The following NXPE2 variants were observed in gnomAD, a reference collection of about 807,000 sequenced individuals.
NXPE2 encodes the protein neurexophilin and PC-esterase domain family member 2.
NXPE2 carries 34 observed loss-of-function variants against 34.4 expected under a neutral mutation model. The observed-to-expected ratio is 0.99, with a 90% CI of 0.75 to 1.31. The LOEUF (loss-of-function observed/expected upper bound fraction) is 1.31. NXPE2 is among the 40% of genes most tolerant of loss of function. The pLI is 0.00. For synonymous variants in NXPE2, 235 were observed against 231.3 expected, an observed-to-expected ratio of 1.02 and a Z score of -0.15; for missense variants, 649 against 672.5, an observed-to-expected ratio of 0.97 and a Z score of 0.39.
intron 1 of NXPE2, among the ~76,000 whole-genome samples, chr11:114,679,120 C>G (rs925465015): frequency 6.6e-6 from 1 of 151,884 alleles, no homozygotes; most frequent in Non-Finnish European, 1.5e-5. Context: ...TGTTTATCAA[C>G]TGCTTTGGCT....
chr11:114,668,814 C>A, the NXPE2 span, among the ~76,000 whole-genome samples: 2 of 152,030 alleles, frequency 1.3e-5, no homozygotes, highest in African/African-American at 4.8e-5. Flanking sequence ...TTGGCAAATC[C>A]TCTCCCAGAA....
At chr11:114,606,508 C>A in the NXPE2 span, among the ~76,000 whole-genome samples, 1 of 151,642 alleles carries the variant, frequency 6.6e-6, no homozygotes, top group African/African-American at 2.4e-5. Context: ...AGTGTTGCCT[C>A]TAGGGTAACC....
chr11:114,613,013 C>T, the NXPE2 span, among the ~76,000 whole-genome samples: 1 of 151,932 alleles, frequency 6.6e-6, no homozygotes, highest in Non-Finnish European at 1.5e-5. Flanking sequence ...TTAGTGTTGC[C>T]TCTAGGGTAA....
chr11:114,683,841 C>A (rs954534424), intron 2 of NXPE2, among the ~76,000 whole-genome samples: 3 of 152,036 alleles, frequency 2.0e-5, no homozygotes, highest in Non-Finnish European at 2.9e-5. Context: ...AAGCTACTAA[C>A]AATAAAGATG....
chr11:114,497,080 C>T, the NXPE2 span, among the ~76,000 whole-genome samples: 1 of 151,942 alleles, frequency 6.6e-6, no homozygotes, highest in East Asian at 1.9e-4. Flanking sequence ...GGAGGTATTC[C>T]AGAAGAGGGC....
the NXPE2 span, among the ~76,000 whole-genome samples, chr11:114,745,788 A>G: frequency 6.6e-6 from 1 of 152,132 alleles, no homozygotes; most frequent in African/African-American, 2.4e-5. Flanking sequence ...AAAATAAGAG[A>G]AAAATTAGGT....
chr11:114,564,016 C>T, the NXPE2 span, among the ~76,000 whole-genome samples: 1 of 152,040 alleles, frequency 6.6e-6, no homozygotes, highest in Non-Finnish European at 1.5e-5. Context: ...ATGTTTATGG[C>T]AGCACAATTA....
chr11:114,614,367 T>G, the NXPE2 span, among the ~76,000 whole-genome samples: 1 of 151,782 alleles, frequency 6.6e-6, no homozygotes, highest in African/African-American at 2.4e-5. Flanking sequence ...GGGTAACCAC[T>G]GTTACCTGGT....
At chr11:114,591,876 TC>T in the NXPE2 span, among the ~76,000 whole-genome samples, 1 of 152,302 alleles carries the variant, frequency 6.6e-6, no homozygotes, top group African/African-American at 2.4e-5. Flanking sequence ...GTATATTATG[TC>T]CCTAATTTTT....
the NXPE2 span, among the ~76,000 whole-genome samples, chr11:114,467,822 A>G: frequency 4.6e-5 from 7 of 151,958 alleles, no homozygotes; most frequent in Non-Finnish European, 1.0e-4. Context: ...CGTAGTCCCA[A>G]CTACTTGGGA....
the NXPE2 span, among the ~76,000 whole-genome samples, chr11:114,519,373 G>A: frequency 6.6e-6 from 1 of 152,090 alleles, no homozygotes; most frequent in Non-Finnish European, 1.5e-5. Context: ...TAAAGAGATG[G>A]TAAAACCTCT....
intron 2 of NXPE2, among the ~76,000 whole-genome samples, chr11:114,696,101 C>T (rs1212376303): frequency 2.6e-5 from 4 of 151,778 alleles, no homozygotes; most frequent in Admixed American, 6.6e-5. Context: ...CTTTGGGATG[C>T]TGAGACTGGC....
chr11:114,577,020 T>C, the NXPE2 span, among the ~76,000 whole-genome samples: 2 of 72,386 alleles, frequency 2.8e-5, no homozygotes, highest in African/African-American at 8.1e-5. Flanking sequence ...TATATATATA[T>C]ATATATACAT....
chr11:114,497,646 G>A, the NXPE2 span, among the ~76,000 whole-genome samples: 1 of 152,300 alleles, frequency 6.6e-6, no homozygotes, highest in Non-Finnish European at 1.5e-5. Context: ...ATGCCATCTA[G>A]GTTTGTGTAA....
the NXPE2 span, chr11:114,529,956 A>C: frequency 2.0e-6 from 1 of 509,888 alleles, no homozygotes; most frequent in Non-Finnish European, 3.4e-6. Flanking sequence ...GAACACATAG[A>C]AGAACGGTTA....
the NXPE2 span, among the ~76,000 whole-genome samples, chr11:114,802,174 G>T: frequency 6.6e-6 from 1 of 152,154 alleles, no homozygotes; most frequent in African/African-American, 2.4e-5. Context: ...CCCAGATTTG[G>T]CAAGAGTGGG....
chr11:114,530,684 A>G, the NXPE2 span: 1 of 1,613,910 alleles, frequency 6.2e-7, no homozygotes, highest in South Asian at 1.1e-5. Context: ...ATGTATCTCG[A>G]GGGTTGAGGA....
the NXPE2 span, chr11:114,570,664 C>T: frequency 1.2e-5 from 3 of 251,734 alleles, no homozygotes; most frequent in East Asian, 2.3e-4. Context: ...AACTTTTACC[C>T]ATAGGTGTCT....
intron 4 of NXPE2, among the ~76,000 whole-genome samples, 170 bp downstream of exon 4, chr11:114,704,222 T>A (rs886274655): frequency 1.3e-5 from 2 of 152,206 alleles, no homozygotes; most frequent in African/African-American, 2.4e-5. Flanking sequence ...GAAATTATTT[T>A]CATATCGATT....
Sources: gnomAD v4.1 joint callset for allele counts (sites outside exome capture counted in the v4.1 genomes callset) on GRCh38, gnomAD v4.1.1 for gene constraint, MANE v1.5 for transcripts, NCBI Gene and HGNC (gene_info 2026-07-23, HGNC 2026-07-21) for gene names.